The following MAGI2 variants were observed in gnomAD, a reference collection of about 807,000 sequenced individuals.
MAGI2 encodes membrane associated guanylate kinase, WW and PDZ domain containing 2.
Under a neutral mutation model 133.3 loss-of-function variants are expected in MAGI2, and 35 were observed. That is an observed-to-expected ratio of 0.26 (90% CI 0.20 to 0.35). MAGI2 has a LOEUF of 0.35. Ranked by LOEUF, MAGI2 falls within the 10% of genes least tolerant of loss-of-function variation. The pLI, the probability that MAGI2 is intolerant of heterozygous loss-of-function variation, is 1.00. For missense variants in MAGI2, 1,636 were observed against 1,863.4 expected (o/e 0.88, Z 2.25); for synonymous variants, 729 against 710.6 (o/e 1.03, Z -0.41).
rs567998910 is a variant in MAGI2, at chr7:78,106,262, C to T, written c.3567+19432G>A. Among the ~76,000 whole-genome samples the T allele has an allele frequency of 5.9e-5, 9 of 152,156 alleles. No individual in the cohort carries two copies. In the East Asian group the frequency reaches 1.3e-3, roughly 23 times the overall value. On this transcript the variant is annotated intron_variant, in intron 20 of 21. Coordinates refer to ENST00000354212, the MANE Select transcript of MAGI2 (RefSeq NM_012301.4). ...CCACATTTTTTTATTCATCCATTGACGGACACTTAAGGTTGATGCCAAATC... is the reference window on the plus strand; with the variant it reads ...CCACATTTTTTTATTCATCCATTGATGGACACTTAAGGTTGATGCCAAATC...
chr7:78,796,973 A>C (rs1787671326), intron 2 of MAGI2, among the ~76,000 whole-genome samples: 1 of 152,140 alleles, frequency 6.6e-6, no homozygotes, highest in African/African-American at 2.4e-5. Context: ...ATCACAGGCT[A>C]AAAAGGGAAG....
chr7:79,412,909 A>C (rs1207604433), intron 1 of MAGI2: 1 of 152,162 alleles, frequency 6.6e-6, no homozygotes, highest in Non-Finnish European at 1.5e-5. Flanking sequence ...GCTACTTTAG[A>C]CATGTTCACA....
At chr7:78,328,848 GAAGT>G (rs887718818) in intron 9 of MAGI2, among the ~76,000 whole-genome samples, 1 of 151,982 alleles carries the variant, frequency 6.6e-6, no homozygotes, top group Non-Finnish European at 1.5e-5. Context: ...ATACAACAAA[GAAGT>G]AAGAGGAGTG....
chr7:79,022,522 A>G (rs917745295), intron 1 of MAGI2, among the ~76,000 whole-genome samples: 3 of 152,044 alleles, frequency 2.0e-5, no homozygotes, highest in Admixed American at 6.6e-5. Flanking sequence ...GAAATAACCA[A>G]AATCAGAACT....
chr7:78,667,038 C>G (rs980532655), intron 2 of MAGI2, among the ~76,000 whole-genome samples: 3 of 152,010 alleles, frequency 2.0e-5, no homozygotes, highest in African/African-American at 7.2e-5. Flanking sequence ...TTTAATTAAA[C>G]TTTTTATTTT....
intron 1 of MAGI2, among the ~76,000 whole-genome samples, chr7:79,181,486 T>C (rs1826617667): frequency 6.6e-6 from 1 of 151,770 alleles, no homozygotes; most frequent in South Asian, 2.1e-4. Flanking sequence ...GAGCATCAAG[T>C]CCCTAGACTG....
chr7:78,228,841 T>TC lies in MAGI2; in HGVS notation c.2047+27101_2047+27102insG, dbSNP rs1789672990. Among the ~76,000 whole-genome samples the TC allele has an allele frequency of 2.0e-5, 3 of 152,256 alleles. No homozygotes were observed. The South Asian group carries it at 6.2e-4, about 31-fold the overall frequency. On this transcript the variant is annotated intron_variant, in intron 10 of 21. Transcript: ENST00000354212. The stretch of plus-strand genomic sequence containing the variant: ...AAACCTTTGTAGCTGAGGCCGTTGT[T>TC]ACCTATGGTGAATTCCAGAGTAATT...
chr7:78,494,109 TG>T (rs1435973250), intron 5 of MAGI2, among the ~76,000 whole-genome samples: 7 of 152,082 alleles, frequency 4.6e-5, no homozygotes, highest in Non-Finnish European at 7.4e-5. Context: ...CCCAAGTAGC[TG>T]GGACTAGACT....
chr7:79,164,221 T>C (rs1272273542), intron 1 of MAGI2, among the ~76,000 whole-genome samples: 1 of 151,876 alleles, frequency 6.6e-6, no homozygotes, highest in Non-Finnish European at 1.5e-5. Context: ...GTCTGGGGAG[T>C]CATGCCTTAC....
intron 10 of MAGI2, among the ~76,000 whole-genome samples, chr7:78,203,044 T>G (rs1829412123): frequency 6.6e-6 from 1 of 152,236 alleles, no homozygotes; most frequent in Non-Finnish European, 1.5e-5. Context: ...ATTGGCTGAT[T>G]GACCATTGTC....
intron 1 of MAGI2, among the ~76,000 whole-genome samples, chr7:79,149,497 A>G (rs1822985922): frequency 6.6e-6 from 1 of 152,138 alleles, no homozygotes; most frequent in Admixed American, 6.6e-5. Flanking sequence ...GAGCAGCATT[A>G]ACCCAAACCT....
chr7:78,383,025 G>A (rs1585072341), intron 6 of MAGI2, among the ~76,000 whole-genome samples: 1 of 151,996 alleles, frequency 6.6e-6, no homozygotes, highest in East Asian at 1.9e-4. Flanking sequence ...TGAACACTTA[G>A]GTTTATTTCA....
In MAGI2 at chr7:78,564,783, C is replaced by CTTTTTTTT. The variant is rs35069216; in HGVS notation, c.539-43146_539-43139dup. Among the ~76,000 whole-genome samples, 379 of 64,368 alleles carry CTTTTTTTT rather than the reference C, an allele frequency of 5.9e-3. 75 individuals are homozygous for CTTTTTTTT. The highest frequency in any genetic ancestry group is 0.015 in the Middle Eastern group (1 of 66). The allele number at this position is 64,368 out of a possible 152,430, so 42.2% of individuals were successfully genotyped here. On this transcript the variant is annotated intron_variant, in intron 3 of 21. Transcript: ENST00000354212. ...TACTTCATCTCATCTCTTTGACATT[C>CTTTTTTTT]TTTTTTTTTTTTTTTTTTTTTTTTT...
intron 1 of MAGI2, among the ~76,000 whole-genome samples, chr7:79,286,498 T>C (rs892627939): frequency 2.0e-5 from 3 of 151,792 alleles, no homozygotes; most frequent in African/African-American, 7.3e-5. Context: ...AAAGAAAGGG[T>C]GAATATGGGG....
chr7:78,745,840 G>T (rs776163128), intron 2 of MAGI2, among the ~76,000 whole-genome samples: 1 of 152,042 alleles, frequency 6.6e-6, no homozygotes, highest in Non-Finnish European at 1.5e-5. Context: ...TTTGAGTATT[G>T]TCTTACTCTC....
chr7:78,028,263 T>C (rs1262397846), intron 21 of MAGI2, among the ~76,000 whole-genome samples: 1 of 152,232 alleles, frequency 6.6e-6, no homozygotes, highest in Non-Finnish European at 1.5e-5. Flanking sequence ...TTGTTTCACT[T>C]ATATTACCAG....
chr7:78,547,522 C>T (rs1798952090), intron 3 of MAGI2, among the ~76,000 whole-genome samples: 1 of 152,184 alleles, frequency 6.6e-6, no homozygotes, highest in Non-Finnish European at 1.5e-5. Context: ...TTCATTCATT[C>T]ATTCGTTCAT....
At chr7:79,364,759 T>G (rs1842589415) in intron 1 of MAGI2, among the ~76,000 whole-genome samples, 1 of 152,054 alleles carries the variant, frequency 6.6e-6, no homozygotes, top group Non-Finnish European at 1.5e-5. Flanking sequence ...CTTTATACTT[T>G]TTATAAAAAT....
intron 1 of MAGI2, among the ~76,000 whole-genome samples, chr7:79,182,840 G>A (rs1160523604): frequency 6.6e-6 from 1 of 151,992 alleles, no homozygotes; most frequent in East Asian, 1.9e-4. Flanking sequence ...AGAAAATGTG[G>A]TATATATGCA....
Sources: allele counts gnomAD v4.1 joint callset (sites outside exome capture counted in the v4.1 genomes callset), GRCh38; gene constraint gnomAD v4.1.1; transcripts MANE v1.5; gene names NCBI Gene and HGNC (gene_info 2026-07-23, HGNC 2026-07-21).